The following CNOT6L variants were observed in gnomAD, a reference collection of about 807,000 sequenced individuals.
CNOT6L encodes the protein CCR4-NOT transcription complex subunit 6-like.
A neutral mutation model predicts 64.0 loss-of-function variants in CNOT6L; 7 were observed. The ratio of observed to expected loss-of-function variants is 0.11; its 90% confidence interval spans 0.06 to 0.21. CNOT6L has a LOEUF of 0.21. Ranked by LOEUF, CNOT6L falls within the 10% of genes least tolerant of loss-of-function variation. The pLI, the probability that CNOT6L is intolerant of heterozygous loss-of-function variation, is 1.00. For synonymous variants in CNOT6L, 193 were observed against 243.4 expected, an observed-to-expected ratio of 0.79 and a Z score of 1.93; for missense variants, 245 against 669.0, an observed-to-expected ratio of 0.37 and a Z score of 6.99.
intron 1 of CNOT6L, among the ~76,000 whole-genome samples, chr4:77,798,716 G>A (rs1216181751): frequency 6.6e-6 from 1 of 152,064 alleles, no homozygotes; most frequent in Non-Finnish European, 1.5e-5. Flanking sequence ...CAGGCACGGT[G>A]GCTCACACGT....
intron 1 of CNOT6L, among the ~76,000 whole-genome samples, chr4:77,783,737 A>C (rs1383920091): frequency 2.6e-5 from 4 of 152,142 alleles, no homozygotes; most frequent in Non-Finnish European, 5.9e-5. Flanking sequence ...GATGATAGCA[A>C]CTGGTTTCCT....
chr4:77,788,942 T>G (rs2110102591), intron 1 of CNOT6L, among the ~76,000 whole-genome samples: 1 of 152,292 alleles, frequency 6.6e-6, no homozygotes, highest in African/African-American at 2.4e-5. Context: ...CATATCTATA[T>G]GGCAGTACAA....
intron 1 of CNOT6L, among the ~76,000 whole-genome samples, chr4:77,807,276 C>CAAAAAAAAAAAAAAAAAAAA (rs58452605): frequency 8.3e-5 from 9 of 108,196 alleles, no homozygotes; most frequent in African/African-American, 4.0e-4. Context: ...GACTCCATCT[C>CAAAAAAAAAAAAAAAAAAAA]AAAAAAAAAA....
chr4:77,792,681 G>A (rs189242821), intron 1 of CNOT6L, among the ~76,000 whole-genome samples: 1 of 147,202 alleles, frequency 6.8e-6, no homozygotes, highest in Non-Finnish European at 1.5e-5. Flanking sequence ...AGCCAAGATC[G>A]TGCCATTGCA....
rs749179506 is a variant in CNOT6L, at chr4:77,720,408, C to T, written c.*23G>A. 7.4e-6 allele frequency: 12 copies of T among 1,612,776 alleles called. No individual in the cohort carries two copies. The African/African-American group carries it at 8.0e-5, about 11-fold the overall frequency. ...GTACAGGTCCATAGCAACAGATCCC[C>T]GTCTTGGCGGGGCAGTACTCCACTA... is the stretch of plus-strand genomic sequence containing the variant. On this transcript the variant is annotated 3_prime_UTR_variant, in exon 12 of 12. Transcript: ENST00000504123.
At position 77,742,235 on chromosome 4, in the gene CNOT6L, C is replaced by T. The variant is rs1463124221; in HGVS notation, c.778G>A (p.Asp260Asn). ...FLPALKERGY[D>N]GFFSPKSRAK... ...CGTGACTTTGGAGAAAAAAATCCAT[C>T]ATATCCACGCTCCTTCAATGCTGGC... The change falls in exon 8 of 12, where the codon GAT becomes AAT. Residue 260 changes from aspartate to asparagine, a missense_variant. Asp to Asn is a conservative substitution (Grantham distance 23). Around this residue, in one of 10 missense-constraint regions of CNOT6L, gnomAD observed 94 missense variants for 290.9 expected, o/e 0.32. Coordinates refer to ENST00000504123, the MANE Select transcript of CNOT6L (RefSeq NM_144571.3). The T allele has an allele frequency of 4.3e-6, 7 of 1,612,892 alleles. No individual in the cohort carries two copies. Among genetic ancestry groups the T allele is most frequent in the Non-Finnish European group, 5.9e-6 (7 of 1,179,480 alleles).
intron 1 of CNOT6L, among the ~76,000 whole-genome samples, chr4:77,814,936 C>T (rs569005961): frequency 6.6e-6 from 1 of 152,258 alleles, no homozygotes; most frequent in African/African-American, 2.4e-5. Context: ...ATTTTCATCA[C>T]AAAGCATGAG....
chr4:77,770,209 T>C (rs1030852574), intron 4 of CNOT6L, among the ~76,000 whole-genome samples: 2 of 152,112 alleles, frequency 1.3e-5, no homozygotes, highest in African/African-American at 4.8e-5. Flanking sequence ...AAATCATTAC[T>C]AAAATTTCAG....
chr4:77,818,891 C>G lies in CNOT6L; in HGVS notation c.5+413G>C, dbSNP rs917300773. 597 of 483,380 alleles carry G rather than the reference C, an allele frequency of 1.2e-3. 2 individuals carry two copies. The highest frequency in any genetic ancestry group is 2.3e-3 in the Middle Eastern group (4 of 1,722). 29.9% of individuals were successfully genotyped at this position (483,380 alleles called of 1,614,324 possible). ...CCGGGATCAGCGGCGCGGCACCGAC[C>G]AGCAGCTCTCCCAGCCCCGCTGCCG... On this transcript the variant is annotated intron_variant, in intron 1 of 11. Transcript: ENST00000504123.
At chr4:77,735,440 C>T (rs1453652964) in intron 8 of CNOT6L, among the ~76,000 whole-genome samples, 1 of 152,160 alleles carries the variant, frequency 6.6e-6, no homozygotes, top group Non-Finnish European at 1.5e-5. Flanking sequence ...CATCCATCCC[C>T]CAAATCCTAG....
At chr4:77,793,629 T>C (rs1318854730) in intron 1 of CNOT6L, among the ~76,000 whole-genome samples, 16 of 151,084 alleles carry the variant, frequency 1.1e-4, no homozygotes, top group Non-Finnish European at 1.5e-5. Flanking sequence ...GAGAAAAACT[T>C]GACAGGAATT....
At position 77,713,917 on chromosome 4, in the gene CNOT6L, G is replaced by A. The variant is rs1258029525; in HGVS notation, c.*6514C>T. 2 of 152,408 alleles carry A rather than the reference G, an allele frequency of 1.3e-5. No individual in the cohort carries two copies. The highest frequency in any genetic ancestry group is 4.8e-5 in the African/African-American group (2 of 41,390). The allele number at this position is 152,408 out of a possible 1,614,324, so 9.4% of individuals were successfully genotyped here. A position where few individuals can be genotyped will look rare whatever the true frequency, so the allele number is the denominator to read the frequency against. ...AACACTAGCAAGCTACAATTACATG[G>A]CACTTCATTAAATAGTCTAATTTAA... On this transcript the variant is annotated 3_prime_UTR_variant, in exon 12 of 12. Coordinates refer to ENST00000504123, the MANE Select transcript of CNOT6L (RefSeq NM_144571.3).
chr4:77,737,515 G>A (rs982822249), intron 8 of CNOT6L, among the ~76,000 whole-genome samples: 14 of 137,128 alleles, frequency 1.0e-4, no homozygotes, highest in Admixed American at 2.5e-4. Flanking sequence ...TCTGCCTCCC[G>A]GGTTCAAGCA....
chr4:77,766,256 T>C (rs1451646763), intron 4 of CNOT6L, among the ~76,000 whole-genome samples: 1 of 152,158 alleles, frequency 6.6e-6, no homozygotes, highest in Non-Finnish European at 1.5e-5. Flanking sequence ...TATTAACTTT[T>C]GATGAGAAAA....
intron 5 of CNOT6L, among the ~76,000 whole-genome samples, chr4:77,755,507 C>A (rs562127245): frequency 1.3e-5 from 2 of 152,104 alleles, no homozygotes; most frequent in Admixed American, 1.3e-4. Context: ...AGCCACCATG[C>A]CCGGCCGAGA....
intron 1 of CNOT6L, among the ~76,000 whole-genome samples, chr4:77,815,269 C>A (rs1284216030): frequency 6.6e-6 from 1 of 152,176 alleles, no homozygotes; most frequent in African/African-American, 2.4e-5. Context: ...TGCCAGAACT[C>A]ATTAAAGCAC....
Position 77,720,378 on chromosome 4 carries a change from C to T in CNOT6L, c.*53G>A. On this transcript the variant is annotated 3_prime_UTR_variant, in exon 12 of 12. Transcript: ENST00000504123. ...CTTCACTCCTACATACTTTGATTTA[C>T]AACTGTACAGGTCCATAGCAACAGA... 6.3e-7 allele frequency: 1 copy of T among 1,581,464 alleles called. No homozygotes were observed. Among genetic ancestry groups the T allele is most frequent in the African/African-American group, 1.3e-5 (1 of 74,496 alleles).
rs190043292 is a variant in CNOT6L, at chr4:77,742,677, T to A, written c.718-382A>T. Among the ~76,000 whole-genome samples the A allele has an allele frequency of 4.2e-3, 641 of 152,246 alleles. 6 individuals are homozygous for A. Among genetic ancestry groups the A allele is most frequent in the African/African-American group, 0.015 (620 of 41,546 alleles). On this transcript the variant is annotated intron_variant, in intron 7 of 11. Transcript: ENST00000504123. ...GAATAGTAATTTATATATAAAAAGG[T>A]AATTTAAAAACTTGCATATCCTTCT...
chr4:77,756,771 TA>T, intron 5 of CNOT6L, 90 bp downstream of exon 5: 1 of 745,492 alleles, frequency 1.3e-6, no homozygotes. Context: ...TAGGCAATTA[TA>T]AAAAACAGTC....
Sources: allele counts gnomAD v4.1 joint callset (sites outside exome capture counted in the v4.1 genomes callset), GRCh38; gene constraint gnomAD v4.1.1; regional missense constraint gnomAD v4.1.1; transcripts MANE v1.5; gene names NCBI Gene and HGNC (gene_info 2026-07-23, HGNC 2026-07-21).